The following GRHL2 variants were observed in gnomAD, a reference collection of about 807,000 sequenced individuals.
GRHL2 encodes grainyhead-like protein 2 homolog.
In GRHL2, 21 loss-of-function variants were observed where a neutral mutation model predicts 83.8. The ratio of observed to expected loss-of-function variants is 0.25; its 90% CI spans 0.18 to 0.36. The LOEUF is 0.36. Ranked by LOEUF, GRHL2 falls within the 10% of genes least tolerant of loss-of-function variation. The probability of loss-of-function intolerance (pLI) is 1.00; values close to 1 mark genes in which losing one functional copy is unlikely to be tolerated. For missense variants in GRHL2, 623 were observed against 781.8 expected (o/e 0.80, Z 2.42); for synonymous variants, 280 against 278.9 (o/e 1.00, Z -0.04).
intron 7 of GRHL2, among the ~76,000 whole-genome samples, chr8:101,598,581 ATTTTTTTTT>A (rs61519476): frequency 0.012 from 1,455 of 117,650 alleles, 37 homozygotes; most frequent in African/African-American, 0.038. Context: ...GGTCTCCTGA[ATTTTTTTTT>A]TTTTTTTTTT....
chr8:101,625,835 T>G (rs145329816), intron 9 of GRHL2, among the ~76,000 whole-genome samples: 12 of 152,018 alleles, frequency 7.9e-5, no homozygotes, highest in African/African-American at 2.2e-4. Context: ...TCCAAGTGAG[T>G]AGTGATGTCA....
chr8:101,621,625 G>A (rs1164410050), intron 9 of GRHL2, among the ~76,000 whole-genome samples: 6 of 152,122 alleles, frequency 3.9e-5, no homozygotes, highest in South Asian at 2.1e-4. Context: ...GGCCAGGTGC[G>A]TGGCTCACAC....
intron 9 of GRHL2, among the ~76,000 whole-genome samples, chr8:101,630,592 G>T (rs764939564): frequency 1.1e-4 from 17 of 152,174 alleles, no homozygotes; most frequent in East Asian, 1.9e-4. Context: ...AGGGTGAAAG[G>T]TTGCTGGCCA....
At chr8:101,514,034 C>T (rs890485762) in intron 1 of GRHL2, among the ~76,000 whole-genome samples, 12 of 152,180 alleles carry the variant, frequency 7.9e-5, no homozygotes, top group Non-Finnish European at 1.8e-4. Context: ...AGGAAGTCAT[C>T]AGCTTCAGGT....
At chr8:101,627,727 A>C (rs546159046) in intron 9 of GRHL2, among the ~76,000 whole-genome samples, 8 of 152,264 alleles carry the variant, frequency 5.3e-5, no homozygotes, top group African/African-American at 1.9e-4. Flanking sequence ...ATGCAAAGGA[A>C]AGTTCTTGAA....
Position 101,586,065 on chromosome 8 carries a change from C to CTTTTTTTTTTTTTTTTTTTTTTTTTT in GRHL2, c.1003+8571_1003+8572insTTTTTTTTTTTTTTTTTTTTTTTTTT, listed in dbSNP as rs67985027. 7.7e-4 allele frequency among the ~76,000 whole-genome samples: 73 copies of CTTTTTTTTTTTTTTTTTTTTTTTTTT among 94,284 alleles called. 4 individuals are homozygous for CTTTTTTTTTTTTTTTTTTTTTTTTTT. The highest frequency in any genetic ancestry group is 1.0e-3 in the Non-Finnish European group (49 of 47,836). 61.9% of individuals were successfully genotyped at this position (94,284 alleles called of 152,430 possible). ...TCTTCTTTCCTTCCACCTCATGTTT[C>CTTTTTTTTTTTTTTTTTTTTTTTTTT]TTTTTTTTTTTTTTTTTTTTTTTTT... On this transcript the variant is annotated intron_variant, in intron 7 of 15. Transcript: ENST00000646743.
intron 11 of GRHL2, among the ~76,000 whole-genome samples, chr8:101,634,630 C>T (rs951234423): frequency 6.6e-6 from 1 of 152,192 alleles, no homozygotes; most frequent in African/African-American, 2.4e-5. Context: ...CTAAAATTAG[C>T]TGCAATGCAG....
At chr8:101,604,830 A>G (rs1340879169) in intron 8 of GRHL2, among the ~76,000 whole-genome samples, 2 of 152,166 alleles carry the variant, frequency 1.3e-5, no homozygotes, top group African/African-American at 2.4e-5. Context: ...TCCGATCTTT[A>G]TGATTTTTAG....
intron 7 of GRHL2, among the ~76,000 whole-genome samples, chr8:101,579,846 C>A (rs1812014021): frequency 6.6e-6 from 1 of 152,154 alleles, no homozygotes; most frequent in Non-Finnish European, 1.5e-5. Context: ...CTCTTTGTCT[C>A]CACTAGGACT....
intron 12 of GRHL2, among the ~76,000 whole-genome samples, chr8:101,642,728 A>C (rs1813427138): frequency 6.6e-6 from 1 of 152,226 alleles, no homozygotes; most frequent in African/African-American, 2.4e-5. Flanking sequence ...CTGACACTGA[A>C]GAGCATTTCT....
At chr8:101,503,935 T>G (rs1810283228) in intron 1 of GRHL2, among the ~76,000 whole-genome samples, 1 of 152,200 alleles carries the variant, frequency 6.6e-6, no homozygotes. Context: ...TTCTCTGTGT[T>G]TTCCTATTGT....
At chr8:101,608,516 G>A (rs945146254) in intron 8 of GRHL2, among the ~76,000 whole-genome samples, 1 of 152,182 alleles carries the variant, frequency 6.6e-6, no homozygotes, top group Admixed American at 6.5e-5. Context: ...GTAAATAATT[G>A]TAATACAAGG....
At chr8:101,533,345 C>T (rs189865947) in intron 1 of GRHL2, among the ~76,000 whole-genome samples, 1 of 152,290 alleles carries the variant, frequency 6.6e-6, no homozygotes, top group East Asian at 1.9e-4. Flanking sequence ...CAGCTCCTCC[C>T]ATTCTCTTAT....
Position 101,669,469 on chromosome 8 carries a change from CCTT to C in GRHL2, c.*2770_*2772del, listed in dbSNP as rs1300739392. ...ATGAAATAAATCAAATGTTTATTTT[CCTT>C]CTTATTTAAAATCATGCAAATGCAA... On this transcript the variant is annotated 3_prime_UTR_variant, in exon 16 of 16. Coordinates refer to ENST00000646743, the MANE Select transcript of GRHL2 (RefSeq NM_024915.4). 2 of 152,092 alleles carry C rather than the reference CCTT, an allele frequency of 1.3e-5. No homozygotes were observed. Among genetic ancestry groups the C allele is most frequent in the Non-Finnish European group, 2.9e-5 (2 of 67,928 alleles). 9.4% of individuals were successfully genotyped at this position (152,092 alleles called of 1,614,324 possible).
In GRHL2 at chr8:101,615,606, A is replaced by G. The variant is rs114362082; in HGVS notation, c.1099-3933A>G. 4.9e-3 allele frequency among the ~76,000 whole-genome samples: 750 copies of G among 152,358 alleles called. 8 individuals are homozygous for G. The highest frequency in any genetic ancestry group is 0.017 in the African/African-American group (721 of 41,572). On this transcript the variant is annotated intron_variant, in intron 8 of 15. Transcript: ENST00000646743. ...GATGAACAACTGCATAGCTCACCAG[A>G]GTGATCATTTGCTTTGCTGACATAC...
At chr8:101,567,541 TA>T (rs1201220185) in intron 4 of GRHL2, among the ~76,000 whole-genome samples, 2 of 152,206 alleles carry the variant, frequency 1.3e-5, no homozygotes, top group Admixed American at 6.5e-5. Flanking sequence ...TTTAAAATTA[TA>T]AAGATAATGT....
chr8:101,635,982 G>A (rs1324929111), intron 11 of GRHL2, among the ~76,000 whole-genome samples: 1 of 152,150 alleles, frequency 6.6e-6, no homozygotes, highest in East Asian at 1.9e-4. Context: ...GGCAGGGACA[G>A]TGACTAATAT....
At chr8:101,619,155 A>G (rs569287704) in intron 8 of GRHL2, among the ~76,000 whole-genome samples, 9 of 152,240 alleles carry the variant, frequency 5.9e-5, no homozygotes, top group Middle Eastern at 3.4e-3. Flanking sequence ...CGGGAGGCTT[A>G]GGCAGGAGAA....
At chr8:101,674,582 A>G (rs1814262518), downstream of GRHL2, among the ~76,000 whole-genome samples, 1 of 152,194 alleles carries the variant, frequency 6.6e-6, no homozygotes, top group Admixed American at 6.5e-5. Context: ...TACCAACCAA[A>G]AAAAGTCCAG....
Sources: allele counts gnomAD v4.1 joint callset (sites outside exome capture counted in the v4.1 genomes callset), GRCh38; gene constraint gnomAD v4.1.1; transcripts MANE v1.5; gene names NCBI Gene and HGNC (gene_info 2026-07-23, HGNC 2026-07-21).